The following LINGO2 variants were observed in gnomAD, a reference collection of about 807,000 sequenced individuals.
The protein encoded by LINGO2 is leucine-rich repeat and immunoglobulin-like domain-containing nogo receptor-interacting protein 2.
A neutral mutation model predicts 30.6 loss-of-function variants in LINGO2; 14 were observed. The ratio of observed to expected loss-of-function variants is 0.46; its 90% CI spans 0.30 to 0.72. The LOEUF is 0.72. LINGO2 is among the 30% of genes least tolerant of loss of function. The pLI is 0.07. For synonymous variants in LINGO2, 317 were observed against 288.5 expected, an observed-to-expected ratio of 1.10 and a Z score of -1.00; for missense variants, 729 against 751.7, an observed-to-expected ratio of 0.97 and a Z score of 0.35.
the LINGO2 span, among the ~76,000 whole-genome samples, chr9:28,942,053 C>T: frequency 0.026 from 3,997 of 152,104 alleles, 213 homozygotes; most frequent in African/African-American, 0.092. Flanking sequence ...ACCTCACCAA[C>T]GTTTTTATCC....
intron 3 of LINGO2, among the ~76,000 whole-genome samples, chr9:28,349,961 T>G (rs1819782543): frequency 2.0e-5 from 3 of 152,214 alleles, no homozygotes; most frequent in African/African-American, 7.2e-5. Flanking sequence ...AGAGATTTTG[T>G]CACCACCAGG....
intron 1 of LINGO2, among the ~76,000 whole-genome samples, chr9:28,635,996 C>T (rs559878114): frequency 1.3e-5 from 2 of 152,128 alleles, no homozygotes; most frequent in South Asian, 2.1e-4. Context: ...CACAACAGGC[C>T]CCAGTGTGTG....
intron 1 of LINGO2, among the ~76,000 whole-genome samples, chr9:28,532,814 G>T (rs1353239357): frequency 6.6e-6 from 1 of 151,984 alleles, no homozygotes; most frequent in East Asian, 1.9e-4. Context: ...TCTCTACCCT[G>T]AGAGTTCCTG....
At chr9:29,079,130 T>C in the LINGO2 span, among the ~76,000 whole-genome samples, 3 of 142,412 alleles carry the variant, frequency 2.1e-5, no homozygotes, top group Admixed American at 7.1e-5. Flanking sequence ...GACAGAGGAC[T>C]ATCTATGTTG....
At chr9:28,927,706 A>G in the LINGO2 span, among the ~76,000 whole-genome samples, 1 of 152,240 alleles carries the variant, frequency 6.6e-6, no homozygotes, top group African/African-American at 2.4e-5. Flanking sequence ...AATATTAATA[A>G]GAGCTAACAC....
intron 1 of LINGO2, among the ~76,000 whole-genome samples, chr9:28,578,382 T>C (rs1233565211): frequency 6.6e-6 from 1 of 152,172 alleles, no homozygotes; most frequent in East Asian, 1.9e-4. Flanking sequence ...AGATTAAATT[T>C]ATCCAATTAA....
the LINGO2 span, among the ~76,000 whole-genome samples, chr9:28,695,815 CT>C: frequency 1.5e-4 from 23 of 150,120 alleles, no homozygotes; most frequent in Non-Finnish European, 2.2e-4. Flanking sequence ...GAATCATTTG[CT>C]TTTTTTGCAA....
At chr9:28,071,296 G>A (rs1034654003) in intron 4 of LINGO2, among the ~76,000 whole-genome samples, 10 of 152,096 alleles carry the variant, frequency 6.6e-5, no homozygotes, top group African/African-American at 2.4e-4. Context: ...TGCAGCCATA[G>A]TCACTACACT....
At chr9:28,290,198 G>A (rs1212291610) in intron 4 of LINGO2, among the ~76,000 whole-genome samples, 2 of 152,160 alleles carry the variant, frequency 1.3e-5, no homozygotes, top group African/African-American at 2.4e-5. Context: ...CCCAAGTTGG[G>A]TTGACTCCCG....
chr9:28,605,370 A>G (rs1014564482), intron 1 of LINGO2, among the ~76,000 whole-genome samples: 3 of 151,836 alleles, frequency 2.0e-5, no homozygotes, highest in African/African-American at 7.3e-5. Flanking sequence ...ATTTCACTAC[A>G]CTGTATAGCC....
chr9:28,984,071 T>TA, the LINGO2 span, among the ~76,000 whole-genome samples: 1 of 152,022 alleles, frequency 6.6e-6, no homozygotes, highest in Admixed American at 6.6e-5. Context: ...GCACACAATA[T>TA]AATCCCTTCT....
chr9:29,187,126 C>G, the LINGO2 span, among the ~76,000 whole-genome samples: 27 of 152,200 alleles, frequency 1.8e-4, no homozygotes, highest in Admixed American at 1.7e-3. Flanking sequence ...GAGAGCAGGT[C>G]GAGTACTCTC....
the LINGO2 span, among the ~76,000 whole-genome samples, chr9:29,055,938 G>GTATATATATATATATA: frequency 5.2e-4 from 52 of 99,876 alleles, no homozygotes; most frequent in East Asian, 6.0e-3. Context: ...GTATGTGTGT[G>GTATATATATATATATA]TGTATATATA....
At chr9:29,020,433 G>A in the LINGO2 span, among the ~76,000 whole-genome samples, 1 of 152,040 alleles carries the variant, frequency 6.6e-6, no homozygotes, top group South Asian at 2.1e-4. Flanking sequence ...ATTATCAAGT[G>A]GAAATATTTC....
At chr9:28,298,213 T>A (rs1823996434) in intron 3 of LINGO2, among the ~76,000 whole-genome samples, 1 of 151,900 alleles carries the variant, frequency 6.6e-6, no homozygotes, top group Non-Finnish European at 1.5e-5. Context: ...TTTAAAATGC[T>A]CTTAGATAGT....
chr9:28,003,429 TA>T (rs1822084891), intron 5 of LINGO2, among the ~76,000 whole-genome samples: 1 of 152,098 alleles, frequency 6.6e-6, no homozygotes, highest in Non-Finnish European at 1.5e-5. Context: ...TTTCAGTGTT[TA>T]CTATTAGAGG....
the LINGO2 span, among the ~76,000 whole-genome samples, chr9:28,799,692 G>T: frequency 6.6e-6 from 1 of 152,128 alleles, no homozygotes; most frequent in Non-Finnish European, 1.5e-5. Context: ...TAAAGTAGAA[G>T]TAGTAATTCT....
the LINGO2 span, among the ~76,000 whole-genome samples, chr9:29,208,804 AAC>A: frequency 6.6e-6 from 1 of 152,140 alleles, no homozygotes; most frequent in African/African-American, 2.4e-5. Context: ...AGTCATGAGA[AAC>A]ACAGTGGAAT....
In LINGO2 at chr9:28,310,336, G is replaced by A. The variant is rs561165943; in HGVS notation, c.-245-14970C>T. Among the ~76,000 whole-genome samples, 5 of 152,140 alleles carry A rather than the reference G, an allele frequency of 3.3e-5. No homozygotes were observed. The East Asian group carries it at 9.7e-4, about 29-fold the overall frequency. ...GTAAACAAATAGTGTTATATCCATG[G>A]AACAGAATTATACTGCACAATAAAA... On this transcript the variant is annotated intron_variant, in intron 3 of 5. Transcript: ENST00000379992.
Sources: gnomAD v4.1 joint callset for allele counts (sites outside exome capture counted in the v4.1 genomes callset) on GRCh38, gnomAD v4.1.1 for gene constraint, MANE v1.5 for transcripts, NCBI Gene and HGNC (gene_info 2026-07-23, HGNC 2026-07-21) for gene names.